Variants in STAT3 observed in about 807,000 individuals in gnomAD.
STAT3 encodes signal transducer and activator of transcription 3, also known as DNA-binding protein APRF.
Under a neutral mutation model 114.3 loss-of-function variants are expected in STAT3, and 7 were observed. The observed-to-expected ratio is 0.06, with a 90% CI of 0.03 to 0.11. The LOEUF (loss-of-function observed/expected upper bound fraction) is 0.11. Among genes scored for constraint, STAT3 ranks in the 10% least tolerant of loss-of-function variants. The pLI is 1.00. For synonymous variants in STAT3, 331 were observed against 354.5 expected, an observed-to-expected ratio of 0.93 and a Z score of 0.74; for missense variants, 364 against 960.9, an observed-to-expected ratio of 0.38 and a Z score of 8.21.
At chr17:42,352,601 A>C (rs2083022661) in intron 1 of STAT3, among the ~76,000 whole-genome samples, 1 of 151,234 alleles carries the variant, frequency 6.6e-6, no homozygotes, top group African/African-American at 2.4e-5. Context: ...GCAGTGAGCC[A>C]AGATTGTGCA....
intron 1 of STAT3, among the ~76,000 whole-genome samples, chr17:42,355,693 T>C (rs916575810): frequency 6.6e-5 from 10 of 152,234 alleles, no homozygotes; most frequent in African/African-American, 2.2e-4. Flanking sequence ...TGGGAACTTA[T>C]TACCGTAAAG....
intron 1 of STAT3, among the ~76,000 whole-genome samples, chr17:42,356,537 ATAT>A (rs1179740996): frequency 8.2e-6 from 1 of 122,678 alleles, no homozygotes; most frequent in Non-Finnish European, 1.7e-5. Context: ...ATATATATAT[ATAT>A]TTTTTTTTTT....
At chr17:42,382,491 C>T (rs897974810) in intron 1 of STAT3, among the ~76,000 whole-genome samples, 2 of 152,140 alleles carry the variant, frequency 1.3e-5, no homozygotes, top group Admixed American at 6.6e-5. Context: ...CTCCCCTGTC[C>T]TACTTCCATA....
chr17:42,370,402 C>T (rs571621949), intron 1 of STAT3, among the ~76,000 whole-genome samples: 3 of 151,962 alleles, frequency 2.0e-5, no homozygotes, highest in South Asian at 2.1e-4. Flanking sequence ...CCTGCCACCA[C>T]ACCTGGCTAA....
chr17:42,362,912 C>T (rs1359906619), intron 1 of STAT3, among the ~76,000 whole-genome samples: 1 of 152,204 alleles, frequency 6.6e-6, no homozygotes, highest in East Asian at 1.9e-4. Context: ...CACTGGCCCT[C>T]ACACATGCCT....
Position 42,346,699 on chromosome 17 carries a change from C to T in STAT3, c.143G>A (p.Ser48Asn), listed in dbSNP as rs766875947. The T allele has an allele frequency of 3.7e-6, 6 of 1,614,122 alleles. No individual in the cohort carries two copies. Among genetic ancestry groups the T allele is most frequent in the Non-Finnish European group, 5.1e-6 (6 of 1,180,016 alleles). The change falls in exon 3 of 24, where the codon AGC (serine) becomes AAC (asparagine). Residue 48 changes from serine (S) to asparagine (N), a missense_variant. Around this residue, in one of 5 missense-constraint regions of STAT3, gnomAD observed 294 missense variants for 745.1 expected, o/e 0.39. Transcript: ENST00000264657. ...IESQDWAYAA[S>N]KESHATLVFH... Reference sequence around the variant, plus strand: ...CACCAAAGTGGCATGTGATTCTTTGCTGGCCGCATATGCCCTAGGAAAAGG... The same window carrying T: ...CACCAAAGTGGCATGTGATTCTTTGTTGGCCGCATATGCCCTAGGAAAAGG...
At chr17:42,382,625 TAA>T (rs2084861893) in intron 1 of STAT3, among the ~76,000 whole-genome samples, 1 of 152,106 alleles carries the variant, frequency 6.6e-6, no homozygotes. Context: ...TGATCTGAAT[TAA>T]AGAGTTGCGG....
intron 21 of STAT3, among the ~76,000 whole-genome samples, chr17:42,320,443 C>T (rs1348103344): frequency 2.0e-5 from 3 of 152,128 alleles, no homozygotes; most frequent in Admixed American, 1.3e-4. Context: ...AAGAGCCCAT[C>T]ATTAGGCCAG....
At chr17:42,359,537 C>T (rs966691001) in intron 1 of STAT3, among the ~76,000 whole-genome samples, 1 of 151,870 alleles carries the variant, frequency 6.6e-6, no homozygotes, top group Non-Finnish European at 1.5e-5. Flanking sequence ...GGTGAAAACA[C>T]TAAGTGATAT....
intron 21 of STAT3, chr17:42,317,545 T>C (rs1187807142): frequency 4.4e-6 from 2 of 454,666 alleles, no homozygotes; most frequent in Admixed American, 3.4e-5. Flanking sequence ...TATGTAAAAG[T>C]TTAACAGCCT....
chr17:42,316,241 G>A lies in STAT3; in HGVS notation c.2258-441C>T. On this transcript the variant is annotated intron_variant, in intron 23 of 23. Transcript: ENST00000264657. ...GTCTCAACTTTTTCTTTTTAGTTTA[G>A]TTTTGTTTATTTGAGATGGAGTCTC... The A allele has an allele frequency of 1.5e-5, 6 of 407,002 alleles. No individual in the cohort carries two copies. The South Asian group carries it at 1.7e-4, about 12-fold the overall frequency. 25.2% of individuals were successfully genotyped at this position (407,002 alleles called of 1,614,324 possible).
At chr17:42,325,870 T>C (rs149187306) in intron 15 of STAT3, among the ~76,000 whole-genome samples, 81 of 152,334 alleles carry the variant, frequency 5.3e-4, no homozygotes, top group African/African-American at 1.9e-3. Context: ...CCAATCAATT[T>C]CTAAATAGAG....
intron 21 of STAT3, among the ~76,000 whole-genome samples, chr17:42,321,114 C>CTTTT (rs971943600): frequency 1.3e-4 from 14 of 110,134 alleles, no homozygotes; most frequent in Non-Finnish European, 2.1e-4. Flanking sequence ...ATTTCTCTCT[C>CTTTT]TTTTTTTTTT....
chr17:42,385,383 C>A (rs949482542), intron 1 of STAT3, among the ~76,000 whole-genome samples: 3 of 151,646 alleles, frequency 2.0e-5, no homozygotes, highest in African/African-American at 4.8e-5. Flanking sequence ...GTGGCGGGCA[C>A]CTGTAATCCC....
Position 42,325,159 on chromosome 17 carries a change from C to G in STAT3, c.1366-98G>C, listed in dbSNP as rs926947042. ...TCTCACGGGGCTCAGAATGAAAGGACATGCCATAAACCACACCTGCTGCCA... is the reference window on the plus strand; with the variant it reads ...TCTCACGGGGCTCAGAATGAAAGGAGATGCCATAAACCACACCTGCTGCCA... On this transcript the variant is annotated intron_variant, in intron 15 of 23. Transcript: ENST00000264657. 14 of 1,217,954 alleles carry G rather than the reference C, an allele frequency of 1.1e-5. No individual in the cohort carries two copies. In the African/African-American group the frequency reaches 1.9e-4, roughly 17 times the overall value. The allele number at this position is 1,217,954 out of a possible 1,614,324, so 75.4% of individuals were successfully genotyped here.
chr17:42,334,635 G>T (rs1450330135), intron 8 of STAT3, among the ~76,000 whole-genome samples: 2 of 151,992 alleles, frequency 1.3e-5, no homozygotes, highest in Non-Finnish European at 2.9e-5. Context: ...AGTAGAGATG[G>T]GATTTTGCCT....
intron 4 of STAT3, among the ~76,000 whole-genome samples, chr17:42,341,422 C>T (rs1016201616): frequency 2.6e-5 from 4 of 152,250 alleles, no homozygotes; most frequent in African/African-American, 9.6e-5. Flanking sequence ...CCCAAACACA[C>T]CTGAACTCAC....
At chr17:42,376,628 C>G (rs1013994221) in intron 1 of STAT3, among the ~76,000 whole-genome samples, 3 of 151,556 alleles carry the variant, frequency 2.0e-5, no homozygotes, top group Non-Finnish European at 4.4e-5. Flanking sequence ...GGGCGGATCA[C>G]AAGGTCAGGA....
chr17:42,332,445 G>A (rs909814965), intron 10 of STAT3, among the ~76,000 whole-genome samples: 1 of 147,722 alleles, frequency 6.8e-6, no homozygotes, highest in East Asian at 2.1e-4. Flanking sequence ...GGCTGAGGCA[G>A]GAGAATCACT....
Sources: gnomAD v4.1 joint callset for allele counts (sites outside exome capture counted in the v4.1 genomes callset) on GRCh38, gnomAD v4.1.1 for gene constraint, gnomAD v4.1.1 regional missense constraint, MANE v1.5 for transcripts, NCBI Gene and HGNC (gene_info 2026-07-23, HGNC 2026-07-21) for gene names.